Variants in NCOR2 observed in about 807,000 individuals in gnomAD.
NCOR2 encodes CTG repeat protein 26.
NCOR2 carries 81 observed loss-of-function variants against 262.9 expected under a neutral mutation model. The observed-to-expected ratio is 0.31, with a 90% CI of 0.26 to 0.37. The LOEUF (loss-of-function observed/expected upper bound fraction) is 0.37. Among genes scored for constraint, NCOR2 ranks in the 10% least tolerant of loss-of-function variants. NCOR2 has a pLI of 1.00. For synonymous variants in NCOR2, 1,659 were observed against 1,559.3 expected (o/e 1.06, Z -1.51); for missense variants, 3,385 against 3,621.4 (o/e 0.93, Z 1.68).
intron 19 of NCOR2, among the ~76,000 whole-genome samples, chr12:124,373,528 A>G (rs1402463128): frequency 1.0e-5 from 1 of 97,780 alleles, no homozygotes; most frequent in African/African-American, 5.0e-5. Context: ...CCCCGGGCAC[A>G]GTGGACAGTG....
intron 18 of NCOR2, among the ~76,000 whole-genome samples, chr12:124,377,198 T>G (rs908340745): frequency 1.3e-5 from 2 of 152,206 alleles, no homozygotes; most frequent in Non-Finnish European, 2.9e-5. Flanking sequence ...GTCCTGCATT[T>G]GAGGGGACTC....
At chr12:124,510,032 AG>A (rs1181921462) in intron 1 of NCOR2, among the ~76,000 whole-genome samples, 1 of 152,180 alleles carries the variant, frequency 6.6e-6, no homozygotes, top group Non-Finnish European at 1.5e-5. Context: ...GCCAGAAAAA[AG>A]AGGCATTGTC....
At chr12:124,374,013 G>A (rs1351172325) in intron 19 of NCOR2, among the ~76,000 whole-genome samples, 1 of 152,154 alleles carries the variant, frequency 6.6e-6, no homozygotes, top group African/African-American at 2.4e-5. Context: ...ACCCAAGGAT[G>A]GCAAGGAGAG....
chr12:124,346,761 G>A, exon 31 of NCOR2: 21 of 1,558,500 alleles, frequency 1.3e-5, no homozygotes, highest in Non-Finnish European at 1.7e-5. Flanking sequence ...CGTGAGGGCG[G>A]TGGGGGCGGA....
intron 5 of NCOR2, among the ~76,000 whole-genome samples, chr12:124,459,984 G>T (rs1000381525): frequency 6.6e-6 from 1 of 152,238 alleles, no homozygotes; most frequent in Middle Eastern, 3.4e-3. Flanking sequence ...ACATGCTCTC[G>T]CCTGCCTCTT....
intron 20 of NCOR2, among the ~76,000 whole-genome samples, chr12:124,364,189 C>G (rs1273367588): frequency 6.6e-6 from 1 of 152,232 alleles, no homozygotes; most frequent in African/African-American, 2.4e-5. Flanking sequence ...GAAGCCCAGA[C>G]CTGGGGCCCA....
chr12:124,507,649 C>T (rs1357008264), intron 1 of NCOR2, among the ~76,000 whole-genome samples: 2 of 152,272 alleles, frequency 1.3e-5, no homozygotes, highest in Admixed American at 1.3e-4. Context: ...TCTCCCCTCG[C>T]CAGCTGCCTC....
At chr12:124,433,278 G>A (rs1165839109) in intron 8 of NCOR2, among the ~76,000 whole-genome samples, 4 of 152,122 alleles carry the variant, frequency 2.6e-5, no homozygotes, top group Non-Finnish European at 4.4e-5. Flanking sequence ...GCCCCAGTGA[G>A]GGATGGGGAC....
At chr12:124,404,444 C>G (rs993795331) in intron 13 of NCOR2, among the ~76,000 whole-genome samples, 5 of 152,220 alleles carry the variant, frequency 3.3e-5, no homozygotes, top group Non-Finnish European at 7.3e-5. Context: ...GCAGCAGCCA[C>G]GGAGCCTCCT....
intron 1 of NCOR2, among the ~76,000 whole-genome samples, chr12:124,532,129 C>T (rs1247026783): frequency 4.6e-5 from 7 of 152,124 alleles, no homozygotes; most frequent in Admixed American, 1.3e-4. Context: ...CCTCCAGGGT[C>T]GCCCTGAGAT....
intron 13 of NCOR2, among the ~76,000 whole-genome samples, chr12:124,417,931 C>T (rs533771849): frequency 8.3e-4 from 126 of 152,016 alleles, no homozygotes; most frequent in African/African-American, 2.8e-3. Context: ...TGCAGTGGCA[C>T]GCACCTGTAA....
rs1043159055 is a variant in NCOR2, at chr12:124,566,851, C to G, written c.-165+457G>C. On this transcript the variant is annotated intron_variant, in intron 1 of 32. Coordinates refer to the NCOR2 transcript ENST00000458234. The surrounding 1 kb of genome is among the most constrained non-coding windows in gnomAD (Gnocchi z 4.3). ...GAGACCCTCATGCGCCCCTCCACAA[C>G]AGCCAGGCCAGGGAGCTAGGGGTAC... Among the ~76,000 whole-genome samples, 1 of 152,218 alleles carries G rather than the reference C, an allele frequency of 6.6e-6. No homozygotes were observed. Among genetic ancestry groups the G allele is most frequent in the African/African-American group, 2.4e-5 (1 of 41,460 alleles).
At chr12:124,478,931 G>A (rs1006561255) in intron 3 of NCOR2, among the ~76,000 whole-genome samples, 2 of 152,106 alleles carry the variant, frequency 1.3e-5, no homozygotes, top group African/African-American at 2.4e-5. Flanking sequence ...GCGCACCACA[G>A]GCAGAGGCAT....
At chr12:124,420,111 G>A in intron 12 of NCOR2, 56 bp from the exon 15 acceptor site, 1 of 1,450,700 alleles carries the variant, frequency 6.9e-7, no homozygotes. Context: ...ATTCAGGGCA[G>A]GAGCCAGGAG....
chr12:124,533,370 A>G (rs570868178), intron 1 of NCOR2, among the ~76,000 whole-genome samples: 1 of 151,686 alleles, frequency 6.6e-6, no homozygotes, highest in South Asian at 2.1e-4. Flanking sequence ...TCCCCCAGAT[A>G]CCTACATGCT....
intron 26 of NCOR2, 58 bp from the exon 29 acceptor site, chr12:124,354,254 C>T: frequency 6.6e-7 from 1 of 1,508,256 alleles, no homozygotes. Flanking sequence ...TTCCCCAGGC[C>T]CCAGTCCTGA....
intron 5 of NCOR2, among the ~76,000 whole-genome samples, chr12:124,460,140 T>A (rs947891599): frequency 6.6e-6 from 1 of 152,194 alleles, no homozygotes; most frequent in African/African-American, 2.4e-5. Context: ...TGCGTCCCAC[T>A]GTTTATCTTA....
intron 1 of NCOR2, among the ~76,000 whole-genome samples, chr12:124,502,251 G>C (rs870711): frequency 6.6e-6 from 1 of 152,206 alleles, no homozygotes; most frequent in South Asian, 2.1e-4. Context: ...TGCCCGGCCT[G>C]GTGGCTCACT....
chr12:124,334,634 G>A lies in NCOR2; in HGVS notation c.6412-17C>T, dbSNP rs1250715910. The A allele has an allele frequency of 2.2e-6, 3 of 1,361,108 alleles. No homozygotes were observed. The highest frequency in any genetic ancestry group is 2.8e-6 in the Non-Finnish European group (3 of 1,056,876). The allele number at this position is 1,361,108 out of a possible 1,614,324, so 84.3% of individuals were successfully genotyped here. A position where few individuals can be genotyped will look rare whatever the true frequency, so the allele number is the denominator to read the frequency against. On this transcript the variant is annotated splice_polypyrimidine_tract_variant and intron_variant, in intron 40 of 46. Transcript: ENST00000405201. ...GATGACCTCCTGCAGGCAAGTGGGGGGGCCCAGAGTCAGGCAGCACTCTCC... is the reference window on the plus strand; with the variant it reads ...GATGACCTCCTGCAGGCAAGTGGGGAGGCCCAGAGTCAGGCAGCACTCTCC...
Sources: gnomAD v4.1 joint callset for allele counts (sites outside exome capture counted in the v4.1 genomes callset) on GRCh38, gnomAD v4.1.1 for gene constraint, Gnocchi (gnomAD v3.1) non-coding constraint, MANE v1.5 for transcripts, NCBI Gene and HGNC (gene_info 2026-07-23, HGNC 2026-07-21) for gene names.